Variants in MLIP observed in about 807,000 individuals in gnomAD.
MLIP encodes muscular LMNA interacting protein.
In MLIP, 79 loss-of-function variants were observed where a neutral mutation model predicts 84.8. That is an observed-to-expected ratio of 0.93 (90% CI 0.78 to 1.12). MLIP has a LOEUF of 1.12. Ranked by LOEUF, MLIP falls within the 50% of genes most tolerant of loss-of-function variation. MLIP has a pLI of 0.00. For synonymous variants in MLIP, 504 were observed against 463.0 expected (o/e 1.09, Z -1.14); for missense variants, 1,257 against 1,160.6 (o/e 1.08, Z -1.21).
Position 54,230,933 on chromosome 6 carries a change from C to A in MLIP, c.2922+16C>A. On this transcript the variant is annotated intron_variant, in intron 12 of 13. Transcript: ENST00000502396. ...ATGCAACAAGGTGAGAACTCCTCCC[C>A]AAAATGAGGACTATTCTATTCTGTG... is the stretch of plus-strand genomic sequence containing the variant. The A allele has an allele frequency of 6.2e-7, 1 of 1,610,996 alleles. No homozygotes were observed. The highest frequency in any genetic ancestry group is 1.1e-5 in the South Asian group (1 of 90,980).
chr6:54,106,935 G>T (rs1769059865), upstream of MLIP, among the ~76,000 whole-genome samples: 1 of 152,260 alleles, frequency 6.6e-6, no homozygotes, highest in South Asian at 2.1e-4. Flanking sequence ...CAAAGCTGAG[G>T]GGTCAGATGG....
chr6:54,023,464 C>T (rs527473966), intron 1 of MLIP, among the ~76,000 whole-genome samples: 11 of 151,826 alleles, frequency 7.2e-5, no homozygotes, highest in East Asian at 3.9e-4. Flanking sequence ...AATTTGAGAG[C>T]GAAAGACTTA....
At chr6:54,041,414 A>C (rs1054666390) in intron 1 of MLIP, among the ~76,000 whole-genome samples, 3 of 152,094 alleles carry the variant, frequency 2.0e-5, no homozygotes, top group African/African-American at 7.2e-5. Flanking sequence ...GTGTGAACAT[A>C]AGCCTTCCAT....
intron 11 of MLIP, chr6:54,215,801 A>G (rs1779816346): frequency 6.6e-6 from 1 of 152,396 alleles, no homozygotes; most frequent in Non-Finnish European, 1.5e-5. Flanking sequence ...ACAATAATAG[A>G]TTCAAAACAA....
chr6:54,031,275 G>T (rs1253490947), intron 1 of MLIP: 2 of 151,880 alleles, frequency 1.3e-5, no homozygotes, highest in African/African-American at 2.4e-5. Context: ...CTGACTCAAT[G>T]AGATTGTGTC....
At chr6:54,127,458 A>T (rs973248529) in intron 3 of MLIP, among the ~76,000 whole-genome samples, 1 of 152,150 alleles carries the variant, frequency 6.6e-6, no homozygotes, top group Non-Finnish European at 1.5e-5. Flanking sequence ...CCTTGCTCAG[A>T]TATTGACACC....
rs569134018 is a variant in MLIP at position 54,074,028 on chromosome 6, T to A, written c.64-47419T>A. Among the ~76,000 whole-genome samples, 118 of 152,388 alleles carry A rather than the reference T, an allele frequency of 7.7e-4. 1 individual carries two copies. The Middle Eastern group carries it at 0.01, about 13-fold the overall frequency. ...TAAACCAATGTAAGTTTTACTTTTTTGAGATTGATTTATCTTACAGTGATT... is the reference window on the plus strand; with the variant it reads ...TAAACCAATGTAAGTTTTACTTTTTAGAGATTGATTTATCTTACAGTGATT... On this transcript the variant is annotated intron_variant, in intron 1 of 12. Coordinates refer to the MLIP transcript ENST00000274897.
intron 1 of MLIP, among the ~76,000 whole-genome samples, chr6:54,026,060 C>T (rs751033506): frequency 6.6e-6 from 1 of 152,152 alleles, no homozygotes; most frequent in Non-Finnish European, 1.5e-5. Flanking sequence ...AAGCATCCGT[C>T]AGCTGGAAGG....
At position 54,137,132 on chromosome 6, in the gene MLIP, T is replaced by G. The variant is rs1229580957; in HGVS notation, c.1063T>G (p.Ser355Ala). 7.2e-6 allele frequency: 11 copies of G among 1,535,878 alleles called. No individual in the cohort carries two copies. The highest frequency in any genetic ancestry group is 8.7e-6 in the Non-Finnish European group (10 of 1,146,882). Residue 355 changes from serine to alanine, a missense_variant, in exon 4 of 14, where the codon TCT becomes GCT. Ser to Ala is a moderately conservative substitution (Grantham distance 99, BLOSUM62 1). Transcript: ENST00000502396. ...TTCTTCTCCACCGTCCTCCAGTGCT[T>G]CTCTGAAGTCGAATTCGGCCTCGTA... ...TSSSPPSSSA[S>A]LKSNSASYIP... is the part of the protein sequence containing the mutation.
chr6:54,091,407 A>G (rs1223712038), intron 1 of MLIP, among the ~76,000 whole-genome samples: 1 of 152,154 alleles, frequency 6.6e-6, no homozygotes, highest in Non-Finnish European at 1.5e-5. Context: ...ATCTTTTCCT[A>G]TTGAGTTATC....
At chr6:54,166,368 C>A (rs1263790797) in intron 8 of MLIP, among the ~76,000 whole-genome samples, 1 of 151,770 alleles carries the variant, frequency 6.6e-6, no homozygotes, top group Non-Finnish European at 1.5e-5. Flanking sequence ...CTTTCAATTC[C>A]TTTTCTCCAG....
intron 12 of MLIP, among the ~76,000 whole-genome samples, chr6:54,256,520 TAGG>T (rs1316431922): frequency 2.0e-5 from 3 of 152,106 alleles, no homozygotes; most frequent in Non-Finnish European, 4.4e-5. Context: ...AAGCTGGAGC[TAGG>T]ATAAATGGTT....
At chr6:54,265,859 T>G (rs1048040457) in intron 13 of MLIP, 91 bp from the exon 14 acceptor site, 13 of 1,211,558 alleles carry the variant, frequency 1.1e-5, no homozygotes, top group Non-Finnish European at 1.4e-5. Flanking sequence ...TTGTAGGAGA[T>G]GCTATGCCCA....
intron 13 of MLIP, chr6:54,261,681 C>A (rs894416476): frequency 1.0e-6 from 1 of 984,968 alleles, no homozygotes; most frequent in Non-Finnish European, 1.2e-6. Flanking sequence ...GCAGCCATCC[C>A]ATTCCTCTGA....
At chr6:54,212,109 G>A (rs1358813113) in intron 11 of MLIP, among the ~76,000 whole-genome samples, 2 of 152,068 alleles carry the variant, frequency 1.3e-5, no homozygotes, top group Non-Finnish European at 2.9e-5. Flanking sequence ...CAGATATATC[G>A]GCAAAATTAT....
At chr6:54,262,483 G>A (rs1341549569) in intron 13 of MLIP, among the ~76,000 whole-genome samples, 2 of 152,016 alleles carry the variant, frequency 1.3e-5, no homozygotes, top group Non-Finnish European at 2.9e-5. Context: ...CCTGGAATTT[G>A]GGATGACAAT....
At position 54,048,921 on chromosome 6, in the gene MLIP, C is replaced by G. The variant is rs1765222858; in HGVS notation, c.63+29830C>G. Among the ~76,000 whole-genome samples the G allele has an allele frequency of 2.0e-5, 3 of 152,110 alleles. No individual in the cohort carries two copies. The South Asian group carries it at 6.2e-4, about 32-fold the overall frequency. On this transcript the variant is annotated intron_variant, in intron 1 of 12. Coordinates refer to the MLIP transcript ENST00000274897. ...CTCCTCAAAATTAGGACTCAGTACT[C>G]AAGGCTGGTCTTGAGAAGAAGTCAG...
At chr6:54,156,973 G>A (rs143847300) in intron 5 of MLIP, among the ~76,000 whole-genome samples, 1 of 152,132 alleles carries the variant, frequency 6.6e-6, no homozygotes, top group Non-Finnish European at 1.5e-5. Context: ...TTATAAAGGA[G>A]TTTGATTTGG....
chr6:54,122,270 C>T (rs1161332070), intron 2 of MLIP, among the ~76,000 whole-genome samples: 1 of 152,058 alleles, frequency 6.6e-6, no homozygotes, highest in Non-Finnish European at 1.5e-5. Flanking sequence ...CAAAGTTATA[C>T]TGATGGTAAT....
Sources: gnomAD v4.1 joint callset for allele counts (sites outside exome capture counted in the v4.1 genomes callset) on GRCh38, gnomAD v4.1.1 for gene constraint, MANE v1.5 for transcripts, NCBI Gene and HGNC (gene_info 2026-07-23, HGNC 2026-07-21) for gene names.